The following DSCAM variants were observed in gnomAD, a reference collection of about 807,000 sequenced individuals.
DSCAM encodes the protein cell adhesion molecule DSCAM.
In DSCAM, 47 loss-of-function variants were observed where a neutral mutation model predicts 217.7. The ratio of observed to expected loss-of-function variants is 0.22; its 90% CI spans 0.17 to 0.28. The LOEUF is 0.28. Among genes scored for constraint, DSCAM ranks in the 10% least tolerant of loss-of-function variants. The probability of loss-of-function intolerance (pLI) is 1.00; values close to 1 mark genes in which losing one functional copy is unlikely to be tolerated. For synonymous variants in DSCAM, 1,056 were observed against 1,015.3 expected (o/e 1.04, Z -0.76); for missense variants, 2,080 against 2,618.3 (o/e 0.79, Z 4.49).
intron 3 of DSCAM, among the ~76,000 whole-genome samples, chr21:40,548,828 G>A (rs1247226675): frequency 6.6e-6 from 1 of 152,172 alleles, no homozygotes; most frequent in South Asian, 2.1e-4. Flanking sequence ...GTCAATAGTA[G>A]TACACAGCGA....
At chr21:40,044,642 G>C (rs1169176200) in intron 30 of DSCAM, among the ~76,000 whole-genome samples, 1 of 152,214 alleles carries the variant, frequency 6.6e-6, no homozygotes, top group Non-Finnish European at 1.5e-5. Flanking sequence ...ATTTCAAACA[G>C]TGATGAAGAT....
chr21:40,720,032 A>G (rs1601169524), intron 1 of DSCAM, among the ~76,000 whole-genome samples: 1 of 152,246 alleles, frequency 6.6e-6, no homozygotes, highest in South Asian at 2.1e-4. Context: ...TAGAAACAAA[A>G]AGACATTTTG....
intron 8 of DSCAM, among the ~76,000 whole-genome samples, chr21:40,321,585 A>G (rs2074259649): frequency 6.8e-6 from 1 of 147,412 alleles, no homozygotes; most frequent in Admixed American, 6.8e-5. Context: ...TTTTAATTAC[A>G]ACTCTTTCAA....
At chr21:40,113,305 C>G (rs1056690044) in intron 20 of DSCAM, among the ~76,000 whole-genome samples, 1 of 152,096 alleles carries the variant, frequency 6.6e-6, no homozygotes, top group Non-Finnish European at 1.5e-5. Context: ...GAACCAAAGA[C>G]AAAAACCACA....
At position 40,776,138 on chromosome 21, in the gene DSCAM, A is replaced by G. The variant is rs183470190; in HGVS notation, c.44-67367T>C. 2.7e-3 allele frequency among the ~76,000 whole-genome samples: 407 copies of G among 152,274 alleles called. 2 individuals are homozygous for G. The highest frequency in any genetic ancestry group is 9.2e-3 in the African/African-American group (384 of 41,560). On this transcript the variant is annotated intron_variant, in intron 1 of 32. Transcript: ENST00000400454. ...ATTTTATTGTGTAAAGTGGCCTATC[A>G]TGTTTCTCGATGATGTTTTTATGTT...
Position 40,093,726 on chromosome 21 carries a change from G to A in DSCAM, c.3845C>T (p.Ala1282Val). 1 of 1,613,940 alleles carries A rather than the reference G, an allele frequency of 6.2e-7. No individual in the cohort carries two copies. Residue 1282 changes from alanine to valine, a missense_variant, in exon 21 of 33, where the codon GCA becomes GTA. Coordinates refer to ENST00000400454, the MANE Select transcript of DSCAM (RefSeq NM_001389.5). ...TCCTTATAGCCACTGCCTACCTTTT[G>A]CTAGTGGCTCGACTGTGATGATTTC... ...SSEIITVEPL[A>V]KAPARILTFS...
intron 8 of DSCAM, among the ~76,000 whole-genome samples, chr21:40,333,558 T>C (rs2074398792): frequency 6.6e-6 from 1 of 152,116 alleles, no homozygotes; most frequent in South Asian, 2.1e-4. Context: ...AGAGACCAGG[T>C]TTTGCCACGT....
chr21:40,631,474 T>G (rs2089690751), intron 3 of DSCAM, among the ~76,000 whole-genome samples: 1 of 152,156 alleles, frequency 6.6e-6, no homozygotes, highest in African/African-American at 2.4e-5. Context: ...GATTCTGGGC[T>G]TGCATGGGTG....
chr21:40,062,094 G>C (rs187460187), intron 28 of DSCAM, among the ~76,000 whole-genome samples: 1 of 152,322 alleles, frequency 6.6e-6, no homozygotes, highest in Admixed American at 6.5e-5. Flanking sequence ...TAAAAAGGTT[G>C]GACAGCACAA....
intron 11 of DSCAM, among the ~76,000 whole-genome samples, chr21:40,215,286 T>G (rs1026326785): frequency 7.4e-6 from 1 of 135,724 alleles, no homozygotes; most frequent in African/African-American, 2.8e-5. Flanking sequence ...TCAACCTGAG[T>G]CCTCATCAAT....
chr21:40,124,228 C>G lies in DSCAM; in HGVS notation c.3663G>C (p.Lys1221Asn), dbSNP rs1414665585. 1.2e-6 allele frequency: 2 copies of G among 1,614,016 alleles called. No individual in the cohort carries two copies. The highest frequency in any genetic ancestry group is 2.2e-5 in the East Asian group (1 of 44,798). The part of the protein sequence containing the change: ...PPLKLNGIIR[K>N]YTVFCSHPYP... ...AGGGGTGGGAGCAGAATACAGTGTACTTTCGGATGATGCCGTTCAGCTTGA... is the reference window on the plus strand; with the variant it reads ...AGGGGTGGGAGCAGAATACAGTGTAGTTTCGGATGATGCCGTTCAGCTTGA... Residue 1221 changes from lysine (K) to asparagine (N), a missense_variant, in exon 20 of 33, where the codon AAG (lysine) becomes AAC (asparagine). By Grantham distance (94) the Lys-to-Asn change is moderately conservative. Coordinates refer to ENST00000400454, the MANE Select transcript of DSCAM (RefSeq NM_001389.5).
chr21:40,464,132 C>A (rs1160695859), intron 3 of DSCAM, among the ~76,000 whole-genome samples: 1 of 152,142 alleles, frequency 6.6e-6, no homozygotes, highest in African/African-American at 2.4e-5. Flanking sequence ...TTCTATCTCC[C>A]AAGTCTCTCT....
intron 1 of DSCAM, among the ~76,000 whole-genome samples, chr21:40,786,442 C>T (rs979934431): frequency 4.6e-5 from 7 of 152,172 alleles, no homozygotes; most frequent in African/African-American, 1.7e-4. Context: ...GAACCAGCAG[C>T]ATCAGCAGCA....
chr21:40,420,617 C>G (rs913544558), intron 3 of DSCAM, among the ~76,000 whole-genome samples: 1 of 152,136 alleles, frequency 6.6e-6, no homozygotes, highest in East Asian at 1.9e-4. Context: ...AGAATGTGAA[C>G]TTATTTGAGA....
chr21:40,252,026 C>T (rs768783660), intron 11 of DSCAM, among the ~76,000 whole-genome samples: 4 of 152,046 alleles, frequency 2.6e-5, no homozygotes, highest in Admixed American at 6.5e-5. Flanking sequence ...GAAGCAGATC[C>T]CCACTTGAGC....
intron 1 of DSCAM, among the ~76,000 whole-genome samples, chr21:40,805,546 C>T (rs540479247): frequency 6.6e-6 from 1 of 152,252 alleles, no homozygotes; most frequent in South Asian, 2.1e-4. Context: ...TTTCCTTCCC[C>T]TTCCAGGTTC....
rs924399999 is a variant in DSCAM at position 40,036,907 on chromosome 21, G to A, written c.5686+5464C>T. ...AATCCAGCATATAAACAGAGCCAAA[G>A]ACAAAAACCACATGATTATCTGCAT... On this transcript the variant is annotated intron_variant, in intron 32 of 32. Transcript: ENST00000400454. 4.7e-5 allele frequency among the ~76,000 whole-genome samples: 7 copies of A among 150,426 alleles called. 1 individual carries two copies. The highest frequency in any genetic ancestry group is 1.8e-4 in the African/African-American group (7 of 39,800).
chr21:40,644,037 C>A (rs1337866582), intron 3 of DSCAM, among the ~76,000 whole-genome samples: 4 of 152,172 alleles, frequency 2.6e-5, no homozygotes, highest in Non-Finnish European at 5.9e-5. Context: ...GTTAAACTCC[C>A]AACTTCCCAA....
intron 3 of DSCAM, among the ~76,000 whole-genome samples, chr21:40,568,991 G>A (rs1036656429): frequency 6.6e-6 from 1 of 152,182 alleles, no homozygotes; most frequent in South Asian, 2.1e-4. Flanking sequence ...AGTAACAGCT[G>A]ATGCCTAATC....
Sources: gnomAD v4.1 joint callset for allele counts (sites outside exome capture counted in the v4.1 genomes callset) on GRCh38, gnomAD v4.1.1 for gene constraint, MANE v1.5 for transcripts, NCBI Gene and HGNC (gene_info 2026-07-23, HGNC 2026-07-21) for gene names.